Variants in GRID2 observed in about 807,000 individuals in gnomAD.
GRID2 encodes glutamate ionotropic receptor delta type subunit 2.
In GRID2, 33 loss-of-function variants were observed where a neutral mutation model predicts 114.8. That is an observed-to-expected ratio of 0.29 (90% confidence interval 0.22 to 0.38). The LOEUF is 0.38. Among genes scored for constraint, GRID2 ranks in the 10% least tolerant of loss-of-function variants. The probability of loss-of-function intolerance (pLI) is 1.00; values close to 1 mark genes in which losing one functional copy is unlikely to be tolerated. For missense variants in GRID2, 1,184 were observed against 1,257.7 expected, an observed-to-expected ratio of 0.94 and a Z score of 0.89; for synonymous variants, 505 against 449.9, an observed-to-expected ratio of 1.12 and a Z score of -1.55.
intron 2 of GRID2, among the ~76,000 whole-genome samples, chr4:92,686,526 ATTC>A (rs1258833784): frequency 6.6e-6 from 1 of 151,972 alleles, no homozygotes; most frequent in Non-Finnish European, 1.5e-5. Context: ...GTTAAGTTGA[ATTC>A]TTGGATTCTG....
chr4:92,744,058 T>C (rs1737026456), intron 2 of GRID2, among the ~76,000 whole-genome samples: 2 of 152,172 alleles, frequency 1.3e-5, no homozygotes, highest in Admixed American at 6.5e-5. Context: ...CAACCTAATA[T>C]CACATTTGTT....
intron 14 of GRID2, among the ~76,000 whole-genome samples, chr4:93,651,683 A>G (rs1258577784): frequency 6.6e-6 from 1 of 152,178 alleles, no homozygotes; most frequent in African/African-American, 2.4e-5. Flanking sequence ...AGACTGGTAG[A>G]TTCAGCCATG....
chr4:93,121,838 C>T (rs1325025098), intron 4 of GRID2, among the ~76,000 whole-genome samples: 1 of 152,186 alleles, frequency 6.6e-6, no homozygotes, highest in Non-Finnish European at 1.5e-5. Flanking sequence ...ATTTTAACTG[C>T]TGGACATATA....
chr4:93,426,736 G>A (rs1458772883), intron 10 of GRID2, among the ~76,000 whole-genome samples: 2 of 152,056 alleles, frequency 1.3e-5, no homozygotes, highest in Non-Finnish European at 2.9e-5. Context: ...CTATTTGCAT[G>A]TAAGAGCATG....
intron 2 of GRID2, among the ~76,000 whole-genome samples, chr4:93,034,672 C>G (rs977053811): frequency 1.3e-5 from 2 of 152,058 alleles, no homozygotes; most frequent in East Asian, 3.9e-4. Flanking sequence ...TTATTTCTTC[C>G]CTGGGCAAAC....
chr4:93,775,377 C>G (rs191359425), downstream of GRID2, among the ~76,000 whole-genome samples: 1 of 152,228 alleles, frequency 6.6e-6, no homozygotes, highest in East Asian at 1.9e-4. Context: ...AACATAGGTC[C>G]TCATGGATTG....
At chr4:92,704,744 TCC>T (rs1560542571) in intron 2 of GRID2, among the ~76,000 whole-genome samples, 17 of 147,624 alleles carry the variant, frequency 1.2e-4, no homozygotes, top group African/African-American at 3.8e-4. Flanking sequence ...TCTCTCTCTC[TCC>T]CTCCCTCTCT....
chr4:93,163,398 ATAC>A (rs2149411120), intron 4 of GRID2, among the ~76,000 whole-genome samples: 2 of 39,972 alleles, frequency 5.0e-5, no homozygotes, highest in South Asian at 7.9e-4. Flanking sequence ...ATATATATAT[ATAC>A]ACTATATATA....
At chr4:93,275,870 T>C (rs2149576983) in intron 8 of GRID2, among the ~76,000 whole-genome samples, 1 of 152,050 alleles carries the variant, frequency 6.6e-6, no homozygotes, top group Middle Eastern at 3.4e-3. Flanking sequence ...ATATAAATCC[T>C]TTATCAGATC....
At chr4:92,885,111 A>G in intron 2 of GRID2, 2 of 318,032 alleles carry the variant, frequency 6.3e-6, no homozygotes, top group Non-Finnish European at 1.2e-5. Context: ...GTTAAAATTT[A>G]AGTAAGTTAA....
intron 1 of GRID2, among the ~76,000 whole-genome samples, chr4:92,548,198 T>C (rs1170003981): frequency 6.6e-6 from 1 of 152,062 alleles, no homozygotes; most frequent in African/African-American, 2.4e-5. Flanking sequence ...TGTAATATGT[T>C]GAGTTAGGTG....
chr4:92,332,939 G>C (rs1726970465), intron 1 of GRID2, among the ~76,000 whole-genome samples: 2 of 152,196 alleles, frequency 1.3e-5, no homozygotes, highest in East Asian at 1.9e-4. Flanking sequence ...CCACTCAGCA[G>C]CTCTCACAGA....
At chr4:92,456,835 G>A (rs1721240520) in intron 1 of GRID2, among the ~76,000 whole-genome samples, 1 of 152,042 alleles carries the variant, frequency 6.6e-6, no homozygotes, top group Non-Finnish European at 1.5e-5. Context: ...ACAACTACTA[G>A]TCATCCTGCT....
At chr4:92,659,751 A>G (rs62309220) in intron 2 of GRID2, among the ~76,000 whole-genome samples, 9,218 of 151,388 alleles carry the variant, frequency 0.061, 339 homozygotes, top group East Asian at 0.16. Context: ...GCTACATCCA[A>G]TGCTCTCTGG....
At chr4:93,070,616 A>C (rs1728726284) in intron 2 of GRID2, among the ~76,000 whole-genome samples, 1 of 152,096 alleles carries the variant, frequency 6.6e-6, no homozygotes, top group Non-Finnish European at 1.5e-5. Flanking sequence ...AAGAGAAACC[A>C]TAATGAATTA....
At chr4:93,215,853 G>C (rs1291091958) in intron 5 of GRID2, among the ~76,000 whole-genome samples, 2 of 151,706 alleles carry the variant, frequency 1.3e-5, no homozygotes, top group Non-Finnish European at 1.5e-5. Context: ...AACTTATTTT[G>C]TTTCCCATCT....
intron 7 of GRID2, among the ~76,000 whole-genome samples, chr4:93,229,854 C>T (rs1239678140): frequency 2.6e-5 from 4 of 151,762 alleles, no homozygotes; most frequent in Admixed American, 6.6e-5. Flanking sequence ...ATATATGAAT[C>T]GGTAGAATAA....
intron 2 of GRID2, among the ~76,000 whole-genome samples, chr4:92,722,875 A>C (rs1320906835): frequency 1.3e-5 from 1 of 76,624 alleles, no homozygotes; most frequent in Non-Finnish European, 2.5e-5. Flanking sequence ...TTCTTATTGA[A>C]CATTTATAAT....
intron 4 of GRID2, among the ~76,000 whole-genome samples, chr4:93,198,896 G>C (rs540750038): frequency 8.6e-4 from 131 of 152,182 alleles, no homozygotes; most frequent in African/African-American, 3.1e-3. Context: ...TAGCAATTAA[G>C]TGCCAATTTA....
Sources: gnomAD v4.1 joint callset for allele counts (sites outside exome capture counted in the v4.1 genomes callset) on GRCh38, gnomAD v4.1.1 for gene constraint, MANE v1.5 for transcripts, NCBI Gene and HGNC (gene_info 2026-07-23, HGNC 2026-07-21) for gene names.